The following STX8 variants were observed in gnomAD, a reference collection of about 807,000 sequenced individuals.
The protein encoded by STX8 is syntaxin-8.
In STX8, 23 loss-of-function variants were observed where a neutral mutation model predicts 37.5. That is an observed-to-expected ratio of 0.61 (90% CI 0.44 to 0.87). The LOEUF is 0.87. Among genes scored for constraint, STX8 ranks in the 40% least tolerant of loss-of-function variants. The probability of loss-of-function intolerance (pLI) is 0.00; values close to 1 mark genes in which losing one functional copy is unlikely to be tolerated. For synonymous variants in STX8, 115 were observed against 99.1 expected, an observed-to-expected ratio of 1.16 and a Z score of -0.95; for missense variants, 313 against 284.7, an observed-to-expected ratio of 1.10 and a Z score of -0.71.
At chr17:9,523,342 C>T (rs1042713355) in intron 4 of STX8, among the ~76,000 whole-genome samples, 1 of 150,560 alleles carries the variant, frequency 6.6e-6, no homozygotes, top group Non-Finnish European at 1.5e-5. Flanking sequence ...CACTGTACCC[C>T]ATAAATATGT....
intron 1 of STX8, chr17:9,570,076 C>T (rs1358993683): frequency 6.6e-6 from 1 of 152,178 alleles, no homozygotes; most frequent in Non-Finnish European, 1.5e-5. Context: ...CTTCCAGGAC[C>T]AGTCCATCAC....
chr17:9,442,615 C>T (rs1368008425), intron 6 of STX8, among the ~76,000 whole-genome samples: 2 of 152,152 alleles, frequency 1.3e-5, no homozygotes, highest in Admixed American at 6.5e-5. Context: ...ACCATGTTGG[C>T]CAGGCTGGTC....
At chr17:9,379,455 A>G (rs1911717166) in intron 6 of STX8, among the ~76,000 whole-genome samples, 1 of 152,196 alleles carries the variant, frequency 6.6e-6, no homozygotes, top group African/African-American at 2.4e-5. Flanking sequence ...TCACAACAGT[A>G]CAATGTAATT....
chr17:9,376,237 A>G (rs1353155554), intron 7 of STX8, among the ~76,000 whole-genome samples: 1 of 152,116 alleles, frequency 6.6e-6, no homozygotes, highest in Non-Finnish European at 1.5e-5. Context: ...AAAACGCACC[A>G]ATCAGCACTC....
intron 6 of STX8, among the ~76,000 whole-genome samples, chr17:9,445,980 C>T (rs531939869): frequency 1.3e-4 from 19 of 151,752 alleles, no homozygotes; most frequent in Admixed American, 3.9e-4. Context: ...GGACTACAGG[C>T]GCCTGCCACC....
intron 3 of STX8, among the ~76,000 whole-genome samples, chr17:9,546,785 G>C (rs1906546236): frequency 6.6e-6 from 1 of 150,724 alleles, no homozygotes. Context: ...TTTTGGTAGA[G>C]ACAGGTTTTC....
At chr17:9,442,377 A>G (rs1904694951) in intron 6 of STX8, among the ~76,000 whole-genome samples, 2 of 152,052 alleles carry the variant, frequency 1.3e-5, no homozygotes, top group Admixed American at 6.6e-5. Context: ...GCTCCTATCC[A>G]TCATCTACAT....
intron 7 of STX8, among the ~76,000 whole-genome samples, chr17:9,375,047 G>A (rs1911534812): frequency 7.9e-6 from 1 of 127,010 alleles, no homozygotes; most frequent in Admixed American, 9.1e-5. Context: ...CAGGGTGACA[G>A]AGTGAGACTC....
chr17:9,443,431 T>C (rs1321500464), intron 6 of STX8, among the ~76,000 whole-genome samples: 1 of 152,136 alleles, frequency 6.6e-6, no homozygotes, highest in Non-Finnish European at 1.5e-5. Flanking sequence ...AATTAAGCAA[T>C]GTGGGACAGT....
chr17:9,359,668 C>T (rs1264526649), intron 7 of STX8, among the ~76,000 whole-genome samples: 2 of 151,822 alleles, frequency 1.3e-5, no homozygotes, highest in Admixed American at 6.6e-5. Flanking sequence ...CCACCATGCC[C>T]GGCTAATATT....
chr17:9,456,268 G>A (rs1269702007), intron 6 of STX8, among the ~76,000 whole-genome samples: 7 of 152,184 alleles, frequency 4.6e-5, no homozygotes, highest in Non-Finnish European at 2.9e-5. Context: ...TATTTGGGGG[G>A]TGGCAGATGA....
chr17:9,303,379 C>G (rs1908853924), intron 7 of STX8, among the ~76,000 whole-genome samples: 2 of 152,170 alleles, frequency 1.3e-5, no homozygotes, highest in Admixed American at 6.5e-5. Flanking sequence ...AACACAAATA[C>G]AGTTCTACAT....
intron 7 of STX8, among the ~76,000 whole-genome samples, chr17:9,326,550 C>G (rs1028112468): frequency 4.6e-5 from 7 of 152,154 alleles, no homozygotes; most frequent in African/African-American, 1.7e-4. Context: ...CTCATAGCTA[C>G]GAGCTTTTTC....
At position 9,557,491 on chromosome 17, in the gene STX8, T is replaced by C. The variant is rs1289168806; in HGVS notation, c.155A>G (p.Lys52Arg). Residue 52 changes from lysine (K) to arginine (R), a missense_variant, in exon 3 of 8, where the codon AAG (lysine) becomes AGG (arginine). Coordinates refer to ENST00000306357, the MANE Select transcript of STX8 (RefSeq NM_004853.3). ...VTIRALLQNL[K>R]EKIALLKDLL... ...GTCCTTCAAAAGGGCGATCTTTTCC[T>C]TCAGGTTCTGCAACAAAGCTCTGAT... 1.2e-6 allele frequency: 2 copies of C among 1,614,132 alleles called. No homozygotes were observed. The highest frequency in any genetic ancestry group is 1.7e-6 in the Non-Finnish European group (2 of 1,179,984).
intron 4 of STX8, among the ~76,000 whole-genome samples, chr17:9,511,508 A>G (rs1216097568): frequency 6.6e-6 from 1 of 152,072 alleles, no homozygotes; most frequent in Non-Finnish European, 1.5e-5. Flanking sequence ...AACCCACATG[A>G]TAATCTGAAT....
intron 6 of STX8, among the ~76,000 whole-genome samples, chr17:9,489,351 C>G (rs1906747908): frequency 6.6e-6 from 1 of 152,120 alleles, no homozygotes; most frequent in South Asian, 2.1e-4. Context: ...TTAAAAGCAG[C>G]CCAGGTGATT....
At chr17:9,547,290 T>C (rs1906573231) in intron 3 of STX8, 1 of 145,724 alleles carries the variant, frequency 6.9e-6, no homozygotes, top group Non-Finnish European at 1.5e-5. Flanking sequence ...CAGTAAAGGA[T>C]ATGTTTGGAA....
At chr17:9,574,572 T>C (rs937030746) in intron 1 of STX8, among the ~76,000 whole-genome samples, 9 of 151,786 alleles carry the variant, frequency 5.9e-5, no homozygotes, top group Admixed American at 5.3e-4. Flanking sequence ...TTCGCTCGTG[T>C]TGCCCAGGCT....
Position 9,313,821 on chromosome 17 carries a change from G to A in STX8, c.644-63176C>T, listed in dbSNP as rs188707967. Among the ~76,000 whole-genome samples the A allele has an allele frequency of 3.9e-5, 6 of 152,208 alleles. No individual in the cohort carries two copies. In the East Asian group the frequency reaches 7.7e-4, roughly 20 times the overall value. ...AATATTTTGTATTTTTAGTAGAGAC[G>A]GGGTTTCACTATGTTAGCCAGGATG... On this transcript the variant is annotated intron_variant, in intron 7 of 7. Coordinates refer to ENST00000306357, the MANE Select transcript of STX8 (RefSeq NM_004853.3).
Sources: allele counts gnomAD v4.1 joint callset (sites outside exome capture counted in the v4.1 genomes callset), GRCh38; gene constraint gnomAD v4.1.1; transcripts MANE v1.5; gene names NCBI Gene and HGNC (gene_info 2026-07-23, HGNC 2026-07-21).